The following MB21D2 variants were observed in gnomAD, a reference collection of about 807,000 sequenced individuals.
MB21D2 encodes the protein nucleotidyltransferase MB21D2.
In MB21D2, 9 loss-of-function variants were observed where a neutral mutation model predicts 33.3. The ratio of observed to expected loss-of-function variants is 0.27; its 90% CI spans 0.16 to 0.47. The LOEUF is 0.47. Among genes scored for constraint, MB21D2 ranks in the 20% least tolerant of loss-of-function variants. The pLI is 0.99. For synonymous variants in MB21D2, 241 were observed against 236.3 expected (o/e 1.02, Z -0.18); for missense variants, 540 against 624.6 (o/e 0.86, Z 1.44).
At chr3:192,857,162 C>T (rs1002581106) in intron 1 of MB21D2, among the ~76,000 whole-genome samples, 3 of 152,108 alleles carry the variant, frequency 2.0e-5, no homozygotes, top group Non-Finnish European at 4.4e-5. Context: ...ATTCTAACTG[C>T]CTAATCAAAA....
At chr3:192,914,826 AT>A in intron 1 of MB21D2, among the ~76,000 whole-genome samples, 1 of 152,306 alleles carries the variant, frequency 6.6e-6, no homozygotes, top group Admixed American at 6.5e-5. Context: ...CCCTACTTTG[AT>A]AAGACAGTGG....
intron 1 of MB21D2, among the ~76,000 whole-genome samples, chr3:192,900,314 GA>G (rs1190047147): frequency 6.9e-6 from 1 of 144,896 alleles, no homozygotes; most frequent in Non-Finnish European, 1.5e-5. Flanking sequence ...AAAAATCACA[GA>G]AAGTGTTGAG....
chr3:192,915,453 A>G (rs1714442013), intron 1 of MB21D2, among the ~76,000 whole-genome samples: 1 of 152,204 alleles, frequency 6.6e-6, no homozygotes, highest in South Asian at 2.1e-4. Context: ...TCGCAAATGA[A>G]TGCAGCACCA....
intron 1 of MB21D2, among the ~76,000 whole-genome samples, chr3:192,825,713 TTCTCCCTTC>T (rs1470142608): frequency 6.6e-6 from 1 of 152,196 alleles, no homozygotes; most frequent in Non-Finnish European, 1.5e-5. Context: ...TGAGGCAAGA[TTCTCCCTTC>T]TCTCCCTTCT....
At position 192,797,718 on chromosome 3, in the gene MB21D2, TCTG is replaced by T. The variant is rs1164955879; in HGVS notation, c.*665_*667del. On this transcript the variant is annotated 3_prime_UTR_variant, in exon 2 of 2. Transcript: ENST00000392452. ...AAAATTAACATTTGGAAACCTTAAT[TCTG>T]CTTGGAAAACTGTCAAAGACACCCT... 6.6e-6 allele frequency: 1 copy of T among 152,626 alleles called. No individual in the cohort carries two copies. Among genetic ancestry groups the T allele is most frequent in the Non-Finnish European group, 1.5e-5 (1 of 68,030 alleles). 9.5% of individuals were successfully genotyped at this position (152,626 alleles called of 1,614,324 possible). A position where few individuals can be genotyped will look rare whatever the true frequency, so the allele number is the denominator to read the frequency against.
chr3:192,832,289 T>C (rs1712331388), intron 1 of MB21D2, among the ~76,000 whole-genome samples: 1 of 152,142 alleles, frequency 6.6e-6, no homozygotes, highest in South Asian at 2.1e-4. Context: ...CAAACTGTAA[T>C]AGAAAATCAC....
At chr3:192,846,580 C>G (rs1367831170) in intron 1 of MB21D2, among the ~76,000 whole-genome samples, 1 of 152,162 alleles carries the variant, frequency 6.6e-6, no homozygotes, top group African/African-American at 2.4e-5. Flanking sequence ...ATAGCATCAC[C>G]TCTTATGGAA....
intron 1 of MB21D2, among the ~76,000 whole-genome samples, chr3:192,880,355 A>C (rs1288559570): frequency 6.6e-6 from 1 of 152,034 alleles, no homozygotes; most frequent in African/African-American, 2.4e-5. Flanking sequence ...TCAGAAAAAA[A>C]TAAAATAAAA....
chr3:192,900,768 C>T (rs1714080599), intron 1 of MB21D2, among the ~76,000 whole-genome samples: 2 of 152,058 alleles, frequency 1.3e-5, no homozygotes, highest in South Asian at 4.1e-4. Context: ...TGGTGAAACC[C>T]TGTCTCTACT....
chr3:192,904,956 A>G (rs1442502988), intron 1 of MB21D2, among the ~76,000 whole-genome samples: 1 of 152,222 alleles, frequency 6.6e-6, no homozygotes, highest in Non-Finnish European at 1.5e-5. Context: ...GCCCGCAGGC[A>G]CCATATGCCC....
intron 1 of MB21D2, among the ~76,000 whole-genome samples, chr3:192,814,588 C>T (rs376885419): frequency 1.7e-4 from 26 of 152,056 alleles, no homozygotes; most frequent in East Asian, 5.8e-4. Flanking sequence ...CTTGGGCGGG[C>T]GCGGTGGCTC....
chr3:192,868,997 A>G (rs963814238), intron 1 of MB21D2, among the ~76,000 whole-genome samples: 3 of 152,162 alleles, frequency 2.0e-5, no homozygotes, highest in African/African-American at 7.2e-5. Flanking sequence ...AAAGAAATAT[A>G]CAGCATTTAG....
rs376072510 is a variant in MB21D2 at position 192,799,660 on chromosome 3, A to C, written c.212-10T>G. On this transcript the variant is annotated splice_polypyrimidine_tract_variant and intron_variant, in intron 1 of 1. Coordinates refer to ENST00000392452, the MANE Select transcript of MB21D2 (RefSeq NM_178496.4). This position sits in a 1 kb window ranked among gnomAD's most constrained non-coding sequence, Gnocchi z 4.1. Reference sequence around the variant, plus strand: ...AGCTTTTGCACCATTCCTGGAAATAAAGAAGAAAAAAACAACACTATTACA... The same window carrying C: ...AGCTTTTGCACCATTCCTGGAAATACAGAAGAAAAAAACAACACTATTACA... The C allele has an allele frequency of 8.1e-6, 13 of 1,606,034 alleles. No homozygotes were observed. The highest frequency in any genetic ancestry group is 1.3e-5 in the African/African-American group (1 of 74,324).
chr3:192,899,142 A>G (rs992045360), intron 1 of MB21D2, among the ~76,000 whole-genome samples: 5 of 152,250 alleles, frequency 3.3e-5, no homozygotes, highest in African/African-American at 1.2e-4. Context: ...GCAGGCATAC[A>G]AGAAATACAT....
rs147011157 is a variant in MB21D2, at chr3:192,831,220, C to T, written c.212-31570G>A. On this transcript the variant is annotated intron_variant, in intron 1 of 1. Transcript: ENST00000392452. ...GCACTTCAAAGGAACCTTGTGGAGA[C>T]GCCCACATGGGGATGAGCCGAGGCC... is the stretch of plus-strand genomic sequence containing the variant. Among the ~76,000 whole-genome samples the T allele has an allele frequency of 3.0e-3, 453 of 152,256 alleles. 3 individuals carry two copies. The highest frequency in any genetic ancestry group is 7.3e-3 in the Admixed American group (111 of 15,294).
chr3:192,881,500 C>CA (rs1040407543), intron 1 of MB21D2, among the ~76,000 whole-genome samples: 1 of 152,128 alleles, frequency 6.6e-6, no homozygotes, highest in African/African-American at 2.4e-5. Context: ...GACACACACA[C>CA]AAAATACCCT....
At chr3:192,850,084 A>G (rs1422132419) in intron 1 of MB21D2, among the ~76,000 whole-genome samples, 1 of 151,824 alleles carries the variant, frequency 6.6e-6, no homozygotes, top group African/African-American at 2.4e-5. Flanking sequence ...ACACCAGGCT[A>G]ATTTTTTGCA....
At chr3:192,836,460 A>C (rs1042235749) in intron 1 of MB21D2, among the ~76,000 whole-genome samples, 2 of 152,204 alleles carry the variant, frequency 1.3e-5, no homozygotes, top group Non-Finnish European at 2.9e-5. Context: ...CCTTTAAAGA[A>C]GTGATTAAAT....
At chr3:192,860,809 C>G (rs1215627251) in intron 1 of MB21D2, among the ~76,000 whole-genome samples, 1 of 152,240 alleles carries the variant, frequency 6.6e-6, no homozygotes, top group Admixed American at 6.5e-5. Flanking sequence ...AATCCATAGA[C>G]ACCACAGAGG....
Sources: gnomAD v4.1 joint callset for allele counts (sites outside exome capture counted in the v4.1 genomes callset) on GRCh38, gnomAD v4.1.1 for gene constraint, Gnocchi (gnomAD v3.1) non-coding constraint, MANE v1.5 for transcripts, NCBI Gene and HGNC (gene_info 2026-07-23, HGNC 2026-07-21) for gene names.